FCRL3: variants seen among roughly 807,000 people sequenced by gnomAD.
FCRL3 encodes the protein Fc receptor like 3, also known as Fc receptor-like protein 3.
Under a neutral mutation model 75.0 loss-of-function variants are expected in FCRL3, and 89 were observed. The ratio of observed to expected loss-of-function variants is 1.19; its 90% CI spans 1.00 to 1.42. The LOEUF is 1.42. Ranked by LOEUF, FCRL3 falls within the 40% of genes most tolerant of loss-of-function variation. The pLI is 0.00. For synonymous variants in FCRL3, 376 were observed against 348.5 expected, an observed-to-expected ratio of 1.08 and a Z score of -0.88; for missense variants, 946 against 880.0, an observed-to-expected ratio of 1.07 and a Z score of -0.95.
intron 10 of FCRL3, 81 bp downstream of exon 10, chr1:157,689,717 C>T: frequency 1.9e-6 from 3 of 1,577,918 alleles, no homozygotes; most frequent in Non-Finnish European, 2.6e-6. Flanking sequence ...GAATACTTGA[C>T]CTTTATAGGG....
At position 157,676,775 on chromosome 1, in the gene FCRL3, A is replaced by G; in HGVS notation, c.*1935T>C. On this transcript the variant is annotated 3_prime_UTR_variant, in exon 15 of 15. Transcript: ENST00000368184. ...TCTTTCTTGGGTTCAGAATCTAGAA[A>G]ATGGATAAACAATGATAAGAGATGA... The G allele has an allele frequency of 1.3e-6, 2 of 1,550,318 alleles. No individual in the cohort carries two copies. Among genetic ancestry groups the G allele is most frequent in the Non-Finnish European group, 1.7e-6 (2 of 1,146,834 alleles).
At chr1:157,682,034 A>G (rs1225986183) in intron 11 of FCRL3, among the ~76,000 whole-genome samples, 1 of 151,802 alleles carries the variant, frequency 6.6e-6, no homozygotes, top group Non-Finnish European at 1.5e-5. Flanking sequence ...GGCTGCATAA[A>G]TGTCTTCTTT....
chr1:157,695,959 T>C, intron 7 of FCRL3, 81 bp downstream of exon 7: 1 of 711,816 alleles, frequency 1.4e-6, no homozygotes, highest in Non-Finnish European at 2.0e-6. Context: ...CCCGTGCCTC[T>C]TTTAGGAGAC....
At position 157,697,857 on chromosome 1, in the gene FCRL3, G is replaced by A. The variant is rs71630672; in HGVS notation, c.361C>T (p.Gln121Ter). The A allele has an allele frequency of 2.2e-3, 3,513 of 1,613,996 alleles. 7 individuals are homozygous for A. The highest frequency in any genetic ancestry group is 2.7e-3 in the Non-Finnish European group (3,202 of 1,180,004). ...FEGDNVILRC[Q>*]GKDNKNTHQK... ...TGAGTGTTTTTGTTGTCTTTCCCCTGACATCTCAGAATGACATTGTCTCCT... is the reference window on the plus strand; with the variant it reads ...TGAGTGTTTTTGTTGTCTTTCCCCTAACATCTCAGAATGACATTGTCTCCT... Residue 121 changes from glutamine (Q) to a stop codon, truncating the protein, a stop_gained, in exon 5 of 15, where the codon CAG becomes TAG. Transcript: ENST00000368184. LOFTEE classifies it high-confidence loss of function.
Position 157,678,956 on chromosome 1 carries a change from G to A in FCRL3, c.2044C>T (p.His682Tyr), listed in dbSNP as rs749683216. 2 of 1,614,142 alleles carry A rather than the reference G, an allele frequency of 1.2e-6. No homozygotes were observed. The highest frequency in any genetic ancestry group is 8.5e-7 in the Non-Finnish European group (1 of 1,180,004). Residue 682 changes from histidine (H) to tyrosine (Y), a missense_variant, in exon 14 of 15, where the codon CAT becomes TAT. Coordinates refer to ENST00000368184, the MANE Select transcript of FCRL3 (RefSeq NM_052939.4). ...ATGTGACTCACCTCATGCTCTTGAT[G>A]CATCATTGGACAATTAGCTGTTGGG... ...KENSANCPMM[H>Y]QEHEELTVLY...
Position 157,676,572 on chromosome 1 carries a change from A to G in FCRL3, c.*2138T>C. On this transcript the variant is annotated 3_prime_UTR_variant, in exon 15 of 15. Transcript: ENST00000368184. Reference sequence around the variant, plus strand: ...TATGGGTTTTTAGTTGTGAATTCAAAGATAAAAGTCAAGTAGAGCACTGCA... The same window carrying G: ...TATGGGTTTTTAGTTGTGAATTCAAGGATAAAAGTCAAGTAGAGCACTGCA... The G allele has an allele frequency of 1.3e-6, 1 of 750,602 alleles. No homozygotes were observed. 46.5% of individuals were successfully genotyped at this position (750,602 alleles called of 1,614,324 possible).
chr1:157,690,280 A>T lies in FCRL3; in HGVS notation c.1665T>A (p.Ser555Arg), dbSNP rs767643907. 8 of 1,614,210 alleles carry T rather than the reference A, an allele frequency of 5.0e-6. No homozygotes were observed. Among genetic ancestry groups the T allele is most frequent in the Non-Finnish European group, 5.9e-6 (7 of 1,180,048 alleles). ...CTGTAACATTGAGTGTCACCACTTT[A>T]CTGTGCTGGGCCCCCAGGCCATTGT... ...EADNGLGAQH[S>R]KVVTLNVTGT... Residue 555 changes from serine to arginine, a missense_variant, in exon 9 of 15, where the codon AGT (serine) becomes AGA (arginine). Ser to Arg is a moderately radical substitution (Grantham distance 110). Transcript: ENST00000368184.
chr1:157,695,772 G>A lies in FCRL3; in HGVS notation c.1133-165C>T, dbSNP rs1268315996. On this transcript the variant is annotated intron_variant, in intron 7 of 14. Transcript: ENST00000368184. Reference sequence around the variant, plus strand: ...CAATCAGAAGCATTTCCCCAAAACAGTGAGAGGTAATCTTGGGTAGTTTTG... The same window carrying A: ...CAATCAGAAGCATTTCCCCAAAACAATGAGAGGTAATCTTGGGTAGTTTTG... 6.4e-6 allele frequency: 6 copies of A among 940,836 alleles called. No individual in the cohort carries two copies. The African/African-American group carries it at 6.7e-5, about 10-fold the overall frequency. The allele number at this position is 940,836 out of a possible 1,614,324, so 58.3% of individuals were successfully genotyped here. A position where few individuals can be genotyped will look rare whatever the true frequency, so the allele number is the denominator to read the frequency against.
chr1:157,684,515 C>T (rs1180727836), intron 10 of FCRL3, among the ~76,000 whole-genome samples: 1 of 152,154 alleles, frequency 6.6e-6, no homozygotes, highest in East Asian at 1.9e-4. Context: ...TTAGCTCCGA[C>T]CTAGAATGCA....
In FCRL3 at chr1:157,697,621, C is replaced by T. The variant is rs573768547; in HGVS notation, c.559+38G>A. The T allele has an allele frequency of 1.0e-4, 160 of 1,586,982 alleles. No individual in the cohort carries two copies. In the South Asian group the frequency reaches 1.8e-3, roughly 18 times the overall value. ...CATCTTCCCTTTATCCCCAGTTTCC[C>T]TAACAAACCCAGTAATCCACAGGAA... On this transcript the variant is annotated intron_variant, in intron 5 of 14. Transcript: ENST00000368184.
rs765762115 is a variant in FCRL3, at chr1:157,690,422, T to C, written c.1523A>G (p.Tyr508Cys). ...ESLRGSFPIL[Y>C]WFYHEDDTLG... ...GGTGTCATCCTCGTGATAAAACCAG[T>C]ACAGGATCGGGAAGGAGCCTCTCAG... Residue 508 changes from tyrosine to cysteine, a missense_variant, in exon 9 of 15, where the codon TAC becomes TGC. By Grantham distance (194) the Tyr-to-Cys change is radical. Transcript: ENST00000368184. 4.3e-6 allele frequency: 7 copies of C among 1,614,172 alleles called. No homozygotes were observed. The highest frequency in any genetic ancestry group is 5.9e-6 in the Non-Finnish European group (7 of 1,180,036).
chr1:157,698,298 A>T, intron 4 of FCRL3, 86 bp downstream of exon 4: 1 of 1,519,972 alleles, frequency 6.6e-7, no homozygotes, highest in Non-Finnish European at 9.0e-7. Context: ...TCTGCTTACA[A>T]CTCTGCCTAG....
intron 10 of FCRL3, among the ~76,000 whole-genome samples, chr1:157,688,780 CT>C: frequency 6.6e-6 from 1 of 152,082 alleles, no homozygotes; most frequent in African/African-American, 2.4e-5. Flanking sequence ...ACAAATTTTC[CT>C]CATAAACATG....
rs1655812003 is a variant in FCRL3, at chr1:157,695,356, T to A, written c.1384A>T (p.Ser462Cys). 2 of 1,614,106 alleles carry A rather than the reference T, an allele frequency of 1.2e-6. No individual in the cohort carries two copies. The highest frequency in any genetic ancestry group is 1.7e-6 in the Non-Finnish European group (2 of 1,179,944). ...DADNGLGAQH[S>C]HGVSLRVTVP... The stretch of plus-strand genomic sequence containing the variant: ...GTGACCCTGAGACTCACTCCATGAC[T>A]GTGCTGGGCCCCCAGGCCATTGTCT... Residue 462 changes from serine (S) to cysteine (C), a missense_variant, in exon 8 of 15, where the codon AGT (serine) becomes TGT (cysteine). By Grantham distance (112) the Ser-to-Cys change is moderately radical. Coordinates refer to ENST00000368184, the MANE Select transcript of FCRL3 (RefSeq NM_052939.4).
chr1:157,680,667 C>T lies in FCRL3; in HGVS notation c.2026+35G>A, dbSNP rs377640668. The stretch of plus-strand genomic sequence containing the variant: ...CCTTGCCCGTTTCAATAAAACACTG[C>T]CACCTCACCTCTATTTGCCTGAAAG... On this transcript the variant is annotated intron_variant, in intron 13 of 14. Coordinates refer to ENST00000368184, the MANE Select transcript of FCRL3 (RefSeq NM_052939.4). 8 of 1,584,776 alleles carry T rather than the reference C, an allele frequency of 5.0e-6. No individual in the cohort carries two copies. The East Asian group carries it at 1.3e-4, about 27-fold the overall frequency.
In FCRL3 at chr1:157,676,983, A is replaced by C; in HGVS notation, c.*1727T>G. The C allele has an allele frequency of 7.4e-7, 1 of 1,354,442 alleles. No individual in the cohort carries two copies. Among genetic ancestry groups the C allele is most frequent in the Non-Finnish European group, 9.5e-7 (1 of 1,049,464 alleles). The allele number at this position is 1,354,442 out of a possible 1,614,324, so 83.9% of individuals were successfully genotyped here. A position where few individuals can be genotyped will look rare whatever the true frequency, so the allele number is the denominator to read the frequency against. ...GCAGAATGTATCACATAGAAGACAGAGACATTTGCCTCCTCCCTCTTCAAG... is the reference window on the plus strand; with the variant it reads ...GCAGAATGTATCACATAGAAGACAGCGACATTTGCCTCCTCCCTCTTCAAG... On this transcript the variant is annotated 3_prime_UTR_variant, in exon 15 of 15. Transcript: ENST00000368184.
In FCRL3 at chr1:157,696,319, C is replaced by G. The variant is rs537235260; in HGVS notation, c.853G>C (p.Val285Leu). ...RSQIRVQRVP[V>L]SNVNLEIRPT... ...CGGATCTCTAGATTCACATTAGACA[C>G]AGGGACTCCTGGGGGAACACAAGAT... Residue 285 changes from valine (V) to leucine (L), a missense_variant, in exon 7 of 15, where the codon GTG (valine) becomes CTG (leucine). Coordinates refer to ENST00000368184, the MANE Select transcript of FCRL3 (RefSeq NM_052939.4). The G allele has an allele frequency of 1.9e-6, 3 of 1,613,868 alleles. No homozygotes were observed. Among genetic ancestry groups the G allele is most frequent in the Non-Finnish European group, 2.5e-6 (3 of 1,179,938 alleles).
In FCRL3 at chr1:157,676,962, A is replaced by G. The variant is rs1654498999; in HGVS notation, c.*1748T>C. 2 of 1,391,236 alleles carry G rather than the reference A, an allele frequency of 1.4e-6. No homozygotes were observed. Among genetic ancestry groups the G allele is most frequent in the Non-Finnish European group, 1.9e-6 (2 of 1,071,928 alleles). 86.2% of individuals were successfully genotyped at this position (1,391,236 alleles called of 1,614,324 possible). The stretch of plus-strand genomic sequence containing the variant: ...TTCACCATAGAGAAAAAAACAGCAG[A>G]ATGTATCACATAGAAGACAGAGACA... On this transcript the variant is annotated 3_prime_UTR_variant, in exon 15 of 15. Coordinates refer to ENST00000368184, the MANE Select transcript of FCRL3 (RefSeq NM_052939.4).
chr1:157,694,498 T>A (rs1244620654), intron 8 of FCRL3, among the ~76,000 whole-genome samples: 1 of 152,150 alleles, frequency 6.6e-6, no homozygotes, highest in Non-Finnish European at 1.5e-5. Flanking sequence ...AGAGAATGTA[T>A]GGGTTTGTGT....
Sources: allele counts gnomAD v4.1 joint callset (sites outside exome capture counted in the v4.1 genomes callset), GRCh38; gene constraint gnomAD v4.1.1; transcripts MANE v1.5; gene names NCBI Gene and HGNC (gene_info 2026-07-23, HGNC 2026-07-21).